The following EIF4E variants were observed in gnomAD, a reference collection of about 807,000 sequenced individuals.
The protein encoded by EIF4E is eIF-4F 25 kDa subunit.
For synonymous variants in EIF4E, 71 were observed against 88.5 expected, an observed-to-expected ratio of 0.80 and a Z score of 1.11; for missense variants, 113 against 265.6, an observed-to-expected ratio of 0.43 and a Z score of 3.99.
chr4:98,901,701 C>T (rs1234064695), intron 2 of EIF4E, among the ~76,000 whole-genome samples, 175 bp downstream of exon 2: 1 of 152,220 alleles, frequency 6.6e-6, no homozygotes, highest in Non-Finnish European at 1.5e-5. Flanking sequence ...TCCTTTTGAA[C>T]TCAAGACTCA....
chr4:98,884,607 G>A (rs1448507584), intron 6 of EIF4E, among the ~76,000 whole-genome samples: 1 of 152,102 alleles, frequency 6.6e-6, no homozygotes, highest in Non-Finnish European at 1.5e-5. Context: ...GGGAGGCTGA[G>A]ACATAACAAT....
intron 3 of EIF4E, among the ~76,000 whole-genome samples, chr4:98,888,222 A>G (rs935560481): frequency 1.3e-5 from 2 of 152,236 alleles, no homozygotes; most frequent in Admixed American, 6.5e-5. Flanking sequence ...CAGTGCATAC[A>G]TATGTATATA....
intron 1 of EIF4E, among the ~76,000 whole-genome samples, chr4:98,915,767 C>A (rs1725350284): frequency 6.6e-6 from 1 of 151,378 alleles, no homozygotes; most frequent in Admixed American, 6.6e-5. Context: ...ATCTCGAACT[C>A]CTGAACTCAG....
In EIF4E at chr4:98,892,348, A is replaced by C. The variant is rs948524424; in HGVS notation, c.126-1016T>G. On this transcript the variant is annotated intron_variant, in intron 2 of 6. Coordinates refer to ENST00000450253, the MANE Select transcript of EIF4E (RefSeq NM_001968.5). ...AAAAACAAAAAAACAAACAAAAAAA[A>C]AAAACAAAAAAAACACAGCAGACAC... is the stretch of plus-strand genomic sequence containing the variant. 2.1e-4 allele frequency among the ~76,000 whole-genome samples: 32 copies of C among 149,798 alleles called. 2 individuals carry two copies. The highest frequency in any genetic ancestry group is 7.4e-4 in the African/African-American group (30 of 40,798).
At chr4:98,881,386 G>A (rs546566408) in intron 6 of EIF4E, among the ~76,000 whole-genome samples, 1 of 152,006 alleles carries the variant, frequency 6.6e-6, no homozygotes, top group Admixed American at 6.6e-5. Context: ...TAAATTACAG[G>A]AGCATTACTA....
intron 2 of EIF4E, among the ~76,000 whole-genome samples, chr4:98,893,728 C>T (rs13113722): frequency 0.01 from 1,586 of 152,084 alleles, no homozygotes; most frequent in Admixed American, 0.019. Context: ...GTCATCAATA[C>T]GGGTTGGAAT....
At chr4:98,907,040 G>A (rs1298027430) in intron 1 of EIF4E, among the ~76,000 whole-genome samples, 1 of 152,090 alleles carries the variant, frequency 6.6e-6, no homozygotes, top group African/African-American at 2.4e-5. Flanking sequence ...TAAGTGAATG[G>A]TTACCTGGCT....
intron 3 of EIF4E, among the ~76,000 whole-genome samples, chr4:98,889,064 C>A (rs1262812566): frequency 1.3e-5 from 2 of 151,520 alleles, no homozygotes; most frequent in Admixed American, 1.3e-4. Context: ...GAGGCTGAGG[C>A]AGGAAAATCG....
intron 1 of EIF4E, 144 bp from the exon 2 acceptor site, chr4:98,902,126 T>G: frequency 1.5e-6 from 1 of 668,502 alleles, no homozygotes. Context: ...TGGAGTGCAG[T>G]CGTGCGATCT....
chr4:98,897,567 A>G (rs1724461324), intron 2 of EIF4E, among the ~76,000 whole-genome samples: 1 of 152,154 alleles, frequency 6.6e-6, no homozygotes, highest in African/African-American at 2.4e-5. Context: ...CTCCGTCTTG[A>G]GAACAAAAAA....
chr4:98,903,536 G>A, intron 1 of EIF4E: 1 of 452,442 alleles, frequency 2.2e-6, no homozygotes, highest in Non-Finnish European at 4.4e-6. Context: ...TAGAGACAAG[G>A]TCTCACCATG....
At chr4:98,907,032 A>G (rs1465376350) in intron 1 of EIF4E, among the ~76,000 whole-genome samples, 3 of 152,220 alleles carry the variant, frequency 2.0e-5, no homozygotes, top group African/African-American at 7.2e-5. Context: ...AAAAATGTTA[A>G]GTGAATGGTT....
chr4:98,887,025 G>C lies in EIF4E; in HGVS notation c.399+54C>G, dbSNP rs1451527468. On this transcript the variant is annotated intron_variant, in intron 5 of 6. Coordinates refer to ENST00000450253, the MANE Select transcript of EIF4E (RefSeq NM_001968.5). The surrounding 1 kb of genome is among the most constrained non-coding windows in gnomAD (Gnocchi z 4.0). ...AAATGTAAAACATAACATATCTTAAGTATCAGTATTCCAAAACTACCTCTA... is the reference window on the plus strand; with the variant it reads ...AAATGTAAAACATAACATATCTTAACTATCAGTATTCCAAAACTACCTCTA... 6.6e-7 allele frequency: 1 copy of C among 1,505,000 alleles called. No individual in the cohort carries two copies. Among genetic ancestry groups the C allele is most frequent in the East Asian group, 2.3e-5 (1 of 44,296 alleles). 93.2% of individuals were successfully genotyped at this position (1,505,000 alleles called of 1,614,324 possible).
intron 2 of EIF4E, among the ~76,000 whole-genome samples, chr4:98,897,989 C>CACTG (rs1724480442): frequency 6.6e-6 from 1 of 152,108 alleles, no homozygotes; most frequent in Non-Finnish European, 1.5e-5. Flanking sequence ...AGATGCAAGA[C>CACTG]ACTGACAGAC....
chr4:98,885,217 C>A (rs938704555), intron 5 of EIF4E, among the ~76,000 whole-genome samples, 156 bp from the exon 6 acceptor site: 1 of 152,188 alleles, frequency 6.6e-6, no homozygotes. Context: ...ATTGATCTGT[C>A]CTGACTTTTA....
chr4:98,928,599 G>C (rs895593038), intron 1 of EIF4E, among the ~76,000 whole-genome samples: 4 of 152,090 alleles, frequency 2.6e-5, no homozygotes, highest in African/African-American at 9.7e-5. Flanking sequence ...ACCGGTCTAA[G>C]GAAGACGTGC....
intron 3 of EIF4E, chr4:98,890,819 C>A: frequency 9.9e-6 from 2 of 201,508 alleles, no homozygotes; most frequent in East Asian, 1.4e-4. Context: ...ACACTTCAGC[C>A]TTTGATATCT....
Position 98,884,909 on chromosome 4 carries a change from G to A in EIF4E, c.539+13C>T. The A allele has an allele frequency of 6.2e-7, 1 of 1,611,696 alleles. No individual in the cohort carries two copies. The highest frequency in any genetic ancestry group is 8.5e-7 in the Non-Finnish European group (1 of 1,179,592). ...TAATACTGTAAAATAAGTAGGCAAA[G>A]AGCAAAACTTACCCTATATGTGTAA... On this transcript the variant is annotated intron_variant, in intron 6 of 6. Coordinates refer to ENST00000450253, the MANE Select transcript of EIF4E (RefSeq NM_001968.5).
At chr4:98,898,424 T>C (rs1724509100) in intron 2 of EIF4E, among the ~76,000 whole-genome samples, 1 of 152,082 alleles carries the variant, frequency 6.6e-6, no homozygotes, top group South Asian at 2.1e-4. Context: ...CTGGCCAACA[T>C]GGTGAAACCC....
Sources: gnomAD v4.1 joint callset for allele counts (sites outside exome capture counted in the v4.1 genomes callset) on GRCh38, gnomAD v4.1.1 for gene constraint, Gnocchi (gnomAD v3.1) non-coding constraint, MANE v1.5 for transcripts, NCBI Gene and HGNC (gene_info 2026-07-23, HGNC 2026-07-21) for gene names.